Variants in C11orf65 observed in about 807,000 individuals in gnomAD.
C11orf65 encodes chromosome 11 open reading frame 65, also known as protein MFI.
In C11orf65, 38 loss-of-function variants were observed where a neutral mutation model predicts 35.3. That is an observed-to-expected ratio of 1.08 (90% CI 0.83 to 1.41). C11orf65 has a LOEUF of 1.41. Among genes scored for constraint, C11orf65 ranks in the 40% most tolerant of loss-of-function variants. The pLI, the probability that C11orf65 is intolerant of heterozygous loss-of-function variation, is 0.00. For synonymous variants in C11orf65, 105 were observed against 114.4 expected (o/e 0.92, Z 0.53); for missense variants, 370 against 367.1 (o/e 1.01, Z -0.06).
chr11:108,344,928 C>T (rs1434483552), intron 2 of C11orf65, among the ~76,000 whole-genome samples: 2 of 151,840 alleles, frequency 1.3e-5, no homozygotes, highest in African/African-American at 4.8e-5. Flanking sequence ...TGCTTGAGCC[C>T]AGGGGCCAAA....
At chr11:108,337,255 G>A (rs923383116) in intron 2 of C11orf65, among the ~76,000 whole-genome samples, 2 of 152,158 alleles carry the variant, frequency 1.3e-5, no homozygotes, top group African/African-American at 4.8e-5. Context: ...AATTTTTTCC[G>A]TAGCCTTCAA....
At chr11:108,399,767 TTTAA>T (rs1565647458) in intron 6 of C11orf65, among the ~76,000 whole-genome samples, 2 of 152,168 alleles carry the variant, frequency 1.3e-5, no homozygotes, top group African/African-American at 4.8e-5. Context: ...AATTTTATGG[TTTAA>T]TTGATTAGAT....
downstream of C11orf65, among the ~76,000 whole-genome samples, chr11:108,329,605 TTTGCCATG>T (rs988957211): frequency 4.6e-5 from 7 of 152,088 alleles, no homozygotes; most frequent in Admixed American, 4.6e-4. Flanking sequence ...GAGATGGGGT[TTTGCCATG>T]TTGCCCAGGT....
chr11:108,461,387 G>A (rs12284770), intron 2 of C11orf65, 92 bp downstream of exon 2: 8 of 956,638 alleles, frequency 8.4e-6, no homozygotes, highest in Non-Finnish European at 1.3e-5. Flanking sequence ...GCAACAGAGA[G>A]AGATTCTGTC....
intron 2 of C11orf65, among the ~76,000 whole-genome samples, chr11:108,451,134 C>T (rs950364223): frequency 1.1e-4 from 16 of 151,922 alleles, no homozygotes; most frequent in Non-Finnish European, 2.1e-4. Flanking sequence ...TCCTATTCAA[C>T]ATAGTGTTGG....
chr11:108,464,613 G>A (rs1488359084), intron 1 of C11orf65, among the ~76,000 whole-genome samples: 1 of 152,096 alleles, frequency 6.6e-6, no homozygotes, highest in Non-Finnish European at 1.5e-5. Context: ...ACCCACCTCG[G>A]CCTCCCAAAG....
chr11:108,316,110 T>A (rs756309395), intron 6 of C11orf65: 1 of 1,613,828 alleles, frequency 6.2e-7, no homozygotes, highest in Non-Finnish European at 8.5e-7. Context: ...CAGGAATCAT[T>A]CAGGTACATT....
intron 3 of C11orf65, 40 bp from the exon 4 acceptor site, chr11:108,407,189 GA>G (rs2092557621): frequency 6.1e-6 from 8 of 1,321,974 alleles, no homozygotes; most frequent in Non-Finnish European, 8.4e-6. Context: ...TATTCTTCAG[GA>G]TTCTGTATGT....
At chr11:108,353,902 A>C in intron 2 of C11orf65, 1 of 1,594,540 alleles carries the variant, frequency 6.3e-7, no homozygotes, top group East Asian at 2.2e-5. Context: ...GAAGTAAAGG[A>C]GGGAAATAAT....
At chr11:108,456,544 G>C (rs1398291933) in intron 2 of C11orf65, among the ~76,000 whole-genome samples, 4 of 152,068 alleles carry the variant, frequency 2.6e-5, no homozygotes. Context: ...CACTTTCGGA[G>C]GCCAAGGTGG....
intron 3 of C11orf65, among the ~76,000 whole-genome samples, chr11:108,418,651 AC>A (rs1454467095): frequency 3.3e-5 from 5 of 152,080 alleles, no homozygotes; most frequent in African/African-American, 1.2e-4. Flanking sequence ...GAAATAATAA[AC>A]AGCAGAAAAT....
At chr11:108,420,749 G>A (rs558526079) in intron 3 of C11orf65, among the ~76,000 whole-genome samples, 65 of 151,908 alleles carry the variant, frequency 4.3e-4, no homozygotes, top group Non-Finnish European at 7.6e-4. Context: ...ATACAATCTC[G>A]ATCAACATTC....
chr11:108,389,976 G>T (rs1232883788), intron 7 of C11orf65, among the ~76,000 whole-genome samples: 2 of 146,176 alleles, frequency 1.4e-5, no homozygotes, highest in East Asian at 4.1e-4. Flanking sequence ...TTACAGGCAT[G>T]AGCCACCTCG....
At position 108,353,882 on chromosome 11, in the gene C11orf65, T is replaced by C. The variant is rs1555142918; in HGVS notation, c.227-18590A>G. ...GGGTGTTGAAGGTGTCTTCAGAAGG[T>C]AAGTGATATGAAGTAAAGGAGGGAA... On this transcript the variant is annotated intron_variant, in intron 2 of 3. Coordinates refer to the C11orf65 transcript ENST00000524755. The C allele has an allele frequency of 6.2e-7, 1 of 1,607,832 alleles. No homozygotes were observed. Among genetic ancestry groups the C allele is most frequent in the Non-Finnish European group, 8.5e-7 (1 of 1,174,470 alleles).
chr11:108,322,007 G>A (rs2085269409), intron 6 of C11orf65, among the ~76,000 whole-genome samples: 1 of 152,058 alleles, frequency 6.6e-6, no homozygotes, highest in Admixed American at 6.5e-5. Context: ...TTTTTGCATA[G>A]CATGATAACA....
chr11:108,375,755 G>A (rs1206467163), intron 2 of C11orf65, among the ~76,000 whole-genome samples: 1 of 151,968 alleles, frequency 6.6e-6, no homozygotes, highest in South Asian at 2.1e-4. Context: ...CACGTGCAGA[G>A]ACACACATAG....
chr11:108,451,261 T>C (rs2093343981), intron 2 of C11orf65, among the ~76,000 whole-genome samples: 1 of 151,916 alleles, frequency 6.6e-6, no homozygotes, highest in Non-Finnish European at 1.5e-5. Flanking sequence ...GAAAACCCCA[T>C]CATCTCAGCC....
rs547193739 is a variant in C11orf65, at chr11:108,340,967, G to A, written c.227-5675C>T. ...TTTTGGTGAATATTTTTGATCCACA[G>A]TTGGTTGAATCTGCAGCTGCAGAGG... On this transcript the variant is annotated intron_variant, in intron 2 of 3. Coordinates refer to the C11orf65 transcript ENST00000524755. 6.6e-5 allele frequency among the ~76,000 whole-genome samples: 10 copies of A among 152,240 alleles called. No homozygotes were observed. In the South Asian group the frequency reaches 1.9e-3, roughly 28 times the overall value.
At chr11:108,441,471 T>A (rs2093152991) in intron 2 of C11orf65, among the ~76,000 whole-genome samples, 1 of 151,868 alleles carries the variant, frequency 6.6e-6, no homozygotes, top group African/African-American at 2.4e-5. Flanking sequence ...TTGAAAAGAG[T>A]AGTTGTTATC....
Sources: allele counts gnomAD v4.1 joint callset (sites outside exome capture counted in the v4.1 genomes callset), GRCh38; gene constraint gnomAD v4.1.1; transcripts MANE v1.5; gene names NCBI Gene and HGNC (gene_info 2026-07-23, HGNC 2026-07-21).